PPEF1: variants seen among roughly 807,000 people sequenced by gnomAD.
The protein encoded by PPEF1 is serine/threonine-protein phosphatase with EF-hands 1.
In PPEF1, 12 loss-of-function variants were observed where a neutral mutation model predicts 53.3. The observed-to-expected ratio is 0.23, with a 90% CI of 0.14 to 0.36. The LOEUF (loss-of-function observed/expected upper bound fraction) is 0.36, where lower values mean the gene tolerates loss of function less well. Among genes scored for constraint, PPEF1 ranks in the 10% least tolerant of loss-of-function variants. The probability of loss-of-function intolerance (pLI) is 1.00; values close to 1 mark genes in which losing one functional copy is unlikely to be tolerated. For synonymous variants in PPEF1, 165 were observed against 176.7 expected (o/e 0.93, Z 0.52); for missense variants, 334 against 490.4 (o/e 0.68, Z 3.01).
intron 3 of PPEF1, among the ~76,000 whole-genome samples, chrX:18,687,685 C>CTT (rs370867326): frequency 2.1e-3 from 191 of 89,113 alleles, no homozygotes; most frequent in African/African-American, 6.0e-3. Context: ...AAATATTCTT[C>CTT]TTTTTTTTTT....
At chrX:18,727,911 C>G (rs926251393) in intron 1 of PPEF1, among the ~76,000 whole-genome samples, 3 of 112,004 alleles carry the variant, frequency 2.7e-5, no homozygotes, top group African/African-American at 9.7e-5. Context: ...GCCACCCTCC[C>G]AGAACCTCCA....
intron 13 of PPEF1, among the ~76,000 whole-genome samples, chrX:18,819,187 C>T (rs2046980612): frequency 9.0e-6 from 1 of 111,571 alleles, no homozygotes; most frequent in African/African-American, 3.3e-5. Flanking sequence ...TCAGCAGAAA[C>T]AACAATTATT....
intron 8 of PPEF1, among the ~76,000 whole-genome samples, chrX:18,783,606 T>C (rs746031383): frequency 1.8e-5 from 2 of 110,033 alleles, no homozygotes; most frequent in Non-Finnish European, 3.8e-5. Context: ...TAGTCCCAGC[T>C]ACTTGGGAGG....
intron 4 of PPEF1, among the ~76,000 whole-genome samples, chrX:18,751,068 T>A (rs1227275292): frequency 8.9e-6 from 1 of 112,092 alleles, no homozygotes; most frequent in Non-Finnish European, 1.9e-5. Context: ...TTTCTGGATA[T>A]AAATTCCGTA....
intron 7 of PPEF1, among the ~76,000 whole-genome samples, chrX:18,780,078 T>C (rs1411595527): frequency 1.8e-5 from 2 of 112,409 alleles, no homozygotes; most frequent in Non-Finnish European, 3.8e-5. Flanking sequence ...TATTTAGGCA[T>C]GCTGTTTATC....
At chrX:18,704,263 T>C (rs937170997), upstream of PPEF1, among the ~76,000 whole-genome samples, 31 of 111,200 alleles carry the variant, frequency 2.8e-4, no homozygotes, top group African/African-American at 1.0e-3. Flanking sequence ...GTGGAAAAAA[T>C]AGCATGAGGA....
intron 8 of PPEF1, among the ~76,000 whole-genome samples, chrX:18,782,792 G>A (rs767461925): frequency 1.8e-4 from 20 of 110,834 alleles, no homozygotes; most frequent in African/African-American, 5.6e-4. Context: ...CTGGGAGACC[G>A]CGTGGGGAAG....
chrX:18,827,369 C>T lies in PPEF1; in HGVS notation c.1844C>T (p.Ala615Val). Reference sequence around the variant, plus strand: ...GATGATTCCCAAGTCAATAAGCTTGCCAACATAATGGACTTGAACAAAGAT... The same window carrying T: ...GATGATTCCCAAGTCAATAAGCTTGTCAACATAATGGACTTGAACAAAGAT... ...HIDDSQVNKL[A>V]NIMDLNKDGS... Residue 615 changes from alanine to valine, a missense_variant, in exon 16 of 16, where the codon GCC (alanine) becomes GTC (valine). Coordinates refer to ENST00000470157, the MANE Select transcript of PPEF1 (RefSeq NM_001377996.1). The T allele has an allele frequency of 8.3e-7, 1 of 1,208,592 alleles. No individual in the cohort carries two copies. Among genetic ancestry groups the T allele is most frequent in the Non-Finnish European group, 1.1e-6 (1 of 892,549 alleles).
chrX:18,787,148 A>G (rs2046222037), intron 9 of PPEF1, among the ~76,000 whole-genome samples: 1 of 112,079 alleles, frequency 8.9e-6, no homozygotes, highest in African/African-American at 3.2e-5. Flanking sequence ...TTGGAACTCT[A>G]TCAGATGAGA....
At chrX:18,742,585 G>A (rs2045204067) in intron 3 of PPEF1, among the ~76,000 whole-genome samples, 1 of 111,369 alleles carries the variant, frequency 9.0e-6, no homozygotes, top group South Asian at 3.8e-4. Context: ...TCGGCCAGGT[G>A]CAGTAACTCA....
intron 6 of PPEF1, among the ~76,000 whole-genome samples, chrX:18,775,425 A>G (rs551169481): frequency 7.2e-5 from 8 of 110,372 alleles, no homozygotes; most frequent in African/African-American, 2.6e-4. Flanking sequence ...GGGTTTCACC[A>G]TGTTGGCCAG....
Position 18,797,986 on chromosome X carries a change from G to A in PPEF1, c.1066-5906G>A, listed in dbSNP as rs1041217023. ...TGGGATTACAAGCGTGAGCCACTGC[G>A]CCCAGTCTTAAGTGATAAGTTCTAT... On this transcript the variant is annotated intron_variant, in intron 10 of 15. Coordinates refer to ENST00000470157, the MANE Select transcript of PPEF1 (RefSeq NM_001377996.1). Among the ~76,000 whole-genome samples the A allele has an allele frequency of 4.5e-5, 5 of 111,445 alleles. No homozygotes were observed. The South Asian group carries it at 1.9e-3, about 43-fold the overall frequency.
In PPEF1 at chrX:18,779,040, G is replaced by T; in HGVS notation, c.589G>T (p.Val197Phe). 8.3e-7 allele frequency: 1 copy of T among 1,203,386 alleles called. No individual in the cohort carries two copies. The highest frequency in any genetic ancestry group is 2.2e-5 in the Admixed American group (1 of 45,912). ...TCTCCCCTCAGAGAGGAACCCGTAT[G>T]TTTTTAATGGTGACTTTGTAGATCG... ...NGLPSERNPY[V>F]FNGDFVDRGK... The change falls in exon 7 of 16, where the codon GTT becomes TTT. Residue 197 changes from valine to phenylalanine, a missense_variant. Physicochemically the swap from Val to Phe is conservative, Grantham distance 50. Transcript: ENST00000470157.
At chrX:18,695,749 A>G (rs1307487901) in intron 4 of PPEF1, among the ~76,000 whole-genome samples, 3 of 112,393 alleles carry the variant, frequency 2.7e-5, no homozygotes, top group African/African-American at 9.7e-5. Context: ...AAATTCTGAT[A>G]TCTATTAATC....
At chrX:18,698,724 G>T (rs1162628370) in intron 5 of PPEF1, among the ~76,000 whole-genome samples, 1 of 112,142 alleles carries the variant, frequency 8.9e-6, no homozygotes, top group Non-Finnish European at 1.9e-5. Context: ...GGCAGAGGTT[G>T]CAGTGAGCCC....
At chrX:18,706,818 CT>C (rs767459911), upstream of PPEF1, among the ~76,000 whole-genome samples, 427 of 46,286 alleles carry the variant, frequency 9.2e-3, 1 homozygote, top group African/African-American at 0.026. Flanking sequence ...TTCAAACCTC[CT>C]TTTTTTTTTT....
At chrX:18,698,016 C>T (rs1658783307) in intron 5 of PPEF1, 1 of 111,631 alleles carries the variant, frequency 9.0e-6, no homozygotes, top group Non-Finnish European at 1.9e-5. Context: ...CCCAGTTCCA[C>T]CCCTCATTTG....
At chrX:18,729,384 T>C (rs2044783994) in intron 1 of PPEF1, among the ~76,000 whole-genome samples, 1 of 112,283 alleles carries the variant, frequency 8.9e-6, no homozygotes, top group African/African-American at 3.2e-5. Flanking sequence ...CCCCTATAAA[T>C]AACCGGTCCA....
intron 6 of PPEF1, among the ~76,000 whole-genome samples, chrX:18,771,395 T>A (rs190304867): frequency 3.5e-3 from 396 of 111,618 alleles, no homozygotes; most frequent in African/African-American, 0.012. Context: ...CTATTGCACT[T>A]GTAATTTTGC....
Sources: gnomAD v4.1 joint callset for allele counts (sites outside exome capture counted in the v4.1 genomes callset) on GRCh38, gnomAD v4.1.1 for gene constraint, MANE v1.5 for transcripts, NCBI Gene and HGNC (gene_info 2026-07-23, HGNC 2026-07-21) for gene names.